The following NDUFAF2 variants were observed in gnomAD, a reference collection of about 807,000 sequenced individuals.
The protein encoded by NDUFAF2 is NADH:ubiquinone oxidoreductase complex assembly factor 2.
In NDUFAF2, 13 loss-of-function variants were observed where a neutral mutation model predicts 22.8. That is an observed-to-expected ratio of 0.57 (90% CI 0.37 to 0.91). The LOEUF (loss-of-function observed/expected upper bound fraction) is 0.91, where lower values mean the gene tolerates loss of function less well. Ranked by LOEUF, NDUFAF2 falls within the 40% of genes least tolerant of loss-of-function variation. NDUFAF2 has a pLI of 0.01. For missense variants in NDUFAF2, 162 were observed against 195.2 expected, an observed-to-expected ratio of 0.83 and a Z score of 1.01; for synonymous variants, 53 against 64.2, an observed-to-expected ratio of 0.83 and a Z score of 0.84.
chr5:60,959,139 G>A (rs957340010), intron 1 of NDUFAF2, among the ~76,000 whole-genome samples: 1 of 152,054 alleles, frequency 6.6e-6, no homozygotes, highest in African/African-American at 2.4e-5. Context: ...AAATGAAATG[G>A]TCAGAATTAT....
rs779754462 is a variant in NDUFAF2, at chr5:61,098,976, T to A, written c.218-16T>A. ...ATTATGGGAAACTGACATTTAAATA[T>A]TATTTTTCTTTCTAGCTTGGATTAG... On this transcript the variant is annotated splice_polypyrimidine_tract_variant and intron_variant, in intron 2 of 3. Coordinates refer to ENST00000296597, the MANE Select transcript of NDUFAF2 (RefSeq NM_174889.5). The A allele has an allele frequency of 6.3e-7, 1 of 1,592,670 alleles. No homozygotes were observed. Among genetic ancestry groups the A allele is most frequent in the East Asian group, 2.2e-5 (1 of 44,544 alleles).
At chr5:60,982,540 C>G (rs1421631567) in intron 1 of NDUFAF2, among the ~76,000 whole-genome samples, 1 of 93,272 alleles carries the variant, frequency 1.1e-5, no homozygotes, top group Non-Finnish European at 2.0e-5. Flanking sequence ...CTAATGCTAT[C>G]CCTCCCCCCT....
intron 1 of NDUFAF2, among the ~76,000 whole-genome samples, chr5:60,996,200 T>TG (rs1751226961): frequency 6.6e-6 from 1 of 152,056 alleles, no homozygotes; most frequent in Non-Finnish European, 1.5e-5. Flanking sequence ...GTCCTCGATG[T>TG]AGTACCTGGG....
intron 2 of NDUFAF2, among the ~76,000 whole-genome samples, chr5:61,086,790 A>G (rs540021490): frequency 9.8e-4 from 150 of 152,294 alleles, no homozygotes; most frequent in Non-Finnish European, 1.5e-3. Flanking sequence ...CCAAAATTTT[A>G]CAGATTCTTA....
At chr5:60,965,512 C>A (rs763403746) in intron 1 of NDUFAF2, among the ~76,000 whole-genome samples, 1 of 152,098 alleles carries the variant, frequency 6.6e-6, no homozygotes, top group African/African-American at 2.4e-5. Flanking sequence ...CTTTGACCAG[C>A]GTCTCCCCAT....
intron 1 of NDUFAF2, among the ~76,000 whole-genome samples, chr5:60,969,990 C>CTTGG (rs1750807018): frequency 6.6e-6 from 1 of 152,054 alleles, no homozygotes; most frequent in African/African-American, 2.4e-5. Flanking sequence ...TGTCATTTCC[C>CTTGG]CACTGTGTGT....
chr5:61,097,767 T>G (rs144403749), intron 2 of NDUFAF2, among the ~76,000 whole-genome samples: 19 of 152,364 alleles, frequency 1.2e-4, no homozygotes, highest in Non-Finnish European at 2.5e-4. Context: ...TCTTTCTGGT[T>G]TAATATTCTT....
intron 1 of NDUFAF2, among the ~76,000 whole-genome samples, chr5:61,024,871 T>C (rs1751629940): frequency 6.6e-6 from 1 of 152,124 alleles, no homozygotes; most frequent in South Asian, 2.1e-4. Flanking sequence ...ATCAGCCTTG[T>C]TCTCTGTTTC....
At chr5:61,145,327 CAAT>C (rs1453237537) in intron 3 of NDUFAF2, among the ~76,000 whole-genome samples, 2 of 152,158 alleles carry the variant, frequency 1.3e-5, no homozygotes, top group East Asian at 1.9e-4. Context: ...ATTACAAAAA[CAAT>C]GATGAGCTTG....
chr5:61,016,192 A>AAT (rs71606655), intron 1 of NDUFAF2, among the ~76,000 whole-genome samples: 32 of 151,080 alleles, frequency 2.1e-4, no homozygotes, highest in African/African-American at 6.3e-4. Flanking sequence ...CTAAAAAAAA[A>AAT]ATATATATAT....
At chr5:61,008,579 G>A (rs571279856) in intron 1 of NDUFAF2, among the ~76,000 whole-genome samples, 15 of 152,120 alleles carry the variant, frequency 9.9e-5, no homozygotes, top group South Asian at 6.2e-4. Context: ...TATAAAATGC[G>A]GATGATTTCA....
chr5:61,019,419 C>T (rs1751550584), intron 1 of NDUFAF2, among the ~76,000 whole-genome samples: 1 of 152,104 alleles, frequency 6.6e-6, no homozygotes, highest in Admixed American at 6.5e-5. Context: ...TCCCCTCCCT[C>T]ATTTTACTCT....
At chr5:60,991,135 T>G (rs10044183) in intron 1 of NDUFAF2, among the ~76,000 whole-genome samples, 7,166 of 152,264 alleles carry the variant, frequency 0.047, 567 homozygotes, top group African/African-American at 0.16. Context: ...TTATAAAGTT[T>G]CACCTGTTTT....
intron 2 of NDUFAF2, among the ~76,000 whole-genome samples, chr5:61,077,717 G>A (rs1382176977): frequency 6.6e-6 from 1 of 152,182 alleles, no homozygotes; most frequent in Non-Finnish European, 1.5e-5. Context: ...AAGACAAGAT[G>A]AGGCAGGACC....
intron 3 of NDUFAF2, among the ~76,000 whole-genome samples, chr5:61,143,730 C>T (rs1188365392): frequency 1.3e-5 from 2 of 152,040 alleles, no homozygotes; most frequent in African/African-American, 2.4e-5. Context: ...ACTCCTGAGC[C>T]TTAACTTGCT....
At chr5:61,048,314 C>T (rs1751978550) in intron 1 of NDUFAF2, among the ~76,000 whole-genome samples, 1 of 152,046 alleles carries the variant, frequency 6.6e-6, no homozygotes, top group South Asian at 2.1e-4. Context: ...TTATTTCTCG[C>T]TAACTAACTC....
chr5:61,147,423 A>ATTTTTTTTTTTTTTTTTTTTT (rs1036796067), intron 3 of NDUFAF2, among the ~76,000 whole-genome samples: 1 of 54,018 alleles, frequency 1.9e-5, no homozygotes, highest in Non-Finnish European at 4.0e-5. Context: ...TAATTTTTGT[A>ATTTTTTTTTTTTTTTTTTTTT]TTTTTTTTTC....
chr5:61,057,562 A>T (rs1752114858), intron 1 of NDUFAF2, among the ~76,000 whole-genome samples: 1 of 152,206 alleles, frequency 6.6e-6, no homozygotes, highest in Admixed American at 6.5e-5. Flanking sequence ...AGGACTCTTT[A>T]GAATCCTAGG....
chr5:60,995,697 A>T (rs1396847463), intron 1 of NDUFAF2, among the ~76,000 whole-genome samples: 1 of 152,182 alleles, frequency 6.6e-6, no homozygotes, highest in Non-Finnish European at 1.5e-5. Context: ...ACTACTGCCT[A>T]TATGTACTCA....
Sources: allele counts gnomAD v4.1 joint callset (sites outside exome capture counted in the v4.1 genomes callset), GRCh38; gene constraint gnomAD v4.1.1; transcripts MANE v1.5; gene names NCBI Gene and HGNC (gene_info 2026-07-23, HGNC 2026-07-21).